Variants in MFSD12 observed in about 807,000 individuals in gnomAD.
MFSD12 encodes the protein major facilitator superfamily domain containing 12.
Under a neutral mutation model 51.2 loss-of-function variants are expected in MFSD12, and 67 were observed. The ratio of observed to expected loss-of-function variants is 1.31; its 90% CI spans 1.08 to 1.60. The LOEUF (loss-of-function observed/expected upper bound fraction) is 1.60, where lower values mean the gene tolerates loss of function less well. Ranked by LOEUF, MFSD12 falls within the 40% of genes most tolerant of loss-of-function variation. The pLI is 0.00. For synonymous variants in MFSD12, 441 were observed against 316.7 expected (o/e 1.39, Z -4.17); for missense variants, 921 against 673.0 (o/e 1.37, Z -4.08).
At chr19:3,543,491 C>CT (rs756313696), downstream of MFSD12, 43 of 1,515,996 alleles carry the variant, frequency 2.8e-5, no homozygotes, top group South Asian at 1.4e-4. Flanking sequence ...CCCCCCCCCC[C>CT]GCCCTGGGCA....
downstream of MFSD12, among the ~76,000 whole-genome samples, chr19:3,540,310 C>T (rs115599586): frequency 0.054 from 8,203 of 150,640 alleles, 681 homozygotes; most frequent in African/African-American, 0.18. Flanking sequence ...AAGACTGGAA[C>T]GCAATGGTGC....
chr19:3,548,392 A>ACCCAGTGTGG, intron 2 of MFSD12, 125 bp from the exon 3 acceptor site: 3 of 1,306,872 alleles, frequency 2.3e-6, no homozygotes, highest in Non-Finnish European at 3.1e-6. Context: ...AACCACTGCC[A>ACCCAGTGTGG]CACTGGGTGG....
Position 3,557,280 on chromosome 19 carries a change from A to G in MFSD12, c.124T>C (p.Tyr42His). 6.3e-7 allele frequency: 1 copy of G among 1,597,886 alleles called. No individual in the cohort carries two copies. Among genetic ancestry groups the G allele is most frequent in the East Asian group, 2.3e-5 (1 of 43,654 alleles). ...ACCGAGTGCAGGTAGAGCAGCAGGT[A>G]GGTGAACCACATGGACGCGCACAGG... ...NDLCASMWFT[Y>H]LLLYLHSVRA... The change falls in exon 1 of 10, where the codon TAC (tyrosine) becomes CAC (histidine). Residue 42 changes from tyrosine (Y) to histidine (H), a missense_variant. Physicochemically the swap from Tyr to His is moderately conservative, Grantham distance 83. Coordinates refer to ENST00000355415, the MANE Select transcript of MFSD12 (RefSeq NM_174983.5).
At chr19:3,545,227 T>G (rs1192178836) in intron 8 of MFSD12, among the ~76,000 whole-genome samples, 4 of 152,252 alleles carry the variant, frequency 2.6e-5, no homozygotes, top group Middle Eastern at 6.8e-3. Context: ...AGGCTGCAAC[T>G]TCTCCCCCAG....
chr19:3,543,330 GC>G (rs1568249884), downstream of MFSD12: 23 of 1,549,268 alleles, frequency 1.5e-5, no homozygotes, highest in Non-Finnish European at 1.9e-5. Context: ...GACGCAGCCG[GC>G]CAGCTGTGGT....
downstream of MFSD12, chr19:3,543,294 G>A (rs1381120949): frequency 1.4e-5 from 22 of 1,548,662 alleles, no homozygotes; most frequent in Middle Eastern, 1.8e-4. Flanking sequence ...CAGGCCACAC[G>A]CTGGAAGTAC....
At chr19:3,538,648 ACGGTGGCGG>A in exon 5 of MFSD12, 2 of 468,686 alleles carry the variant, frequency 4.3e-6, no homozygotes, top group Non-Finnish European at 8.9e-6. Context: ...TCGTTCCAGC[ACGGTGGCGG>A]CGCCGTGCTG....
chr19:3,556,629 A>AT (rs948020759), intron 1 of MFSD12, among the ~76,000 whole-genome samples: 3 of 149,972 alleles, frequency 2.0e-5, no homozygotes, highest in African/African-American at 7.4e-5. Context: ...AAGACGGGGG[A>AT]TGCTGGATGG....
At chr19:3,538,955 C>T (rs908944651) in intron 4 of MFSD12, 10 of 638,124 alleles carry the variant, frequency 1.6e-5, no homozygotes, top group Middle Eastern at 4.1e-4. Flanking sequence ...CTCAGGGCCA[C>T]GGACCCCACC....
intron 1 of MFSD12, among the ~76,000 whole-genome samples, chr19:3,555,789 G>T (rs1439305973): frequency 6.6e-6 from 1 of 152,206 alleles, no homozygotes; most frequent in East Asian, 1.9e-4. Flanking sequence ...TCCTGGCCCT[G>T]CCTGCTGAAA....
intron 1 of MFSD12, among the ~76,000 whole-genome samples, chr19:3,555,316 C>G (rs1258149398): frequency 6.6e-6 from 1 of 152,174 alleles, no homozygotes; most frequent in Non-Finnish European, 1.5e-5. Context: ...CCATGTTGGC[C>G]AGGTTGGTCT....
rs55680069 is a variant in MFSD12, at chr19:3,544,988, C to G, written c.1290-49G>C. ...GTAGGCACCGCGGGTACCACCCCCC[C>G]GCCACCCAAGCTGAACCTGTGCCTC... On this transcript the variant is annotated intron_variant, in intron 8 of 9. Coordinates refer to ENST00000355415, the MANE Select transcript of MFSD12 (RefSeq NM_174983.5). The G allele has an allele frequency of 5.8e-4, 897 of 1,546,574 alleles. 2 individuals are homozygous for G. In the African/African-American group the frequency reaches 6.0e-3, roughly 10 times the overall value.
At chr19:3,547,704 C>G (rs1599829815) in intron 4 of MFSD12, 144 bp downstream of exon 4, 1 of 1,181,856 alleles carries the variant, frequency 8.5e-7, no homozygotes, top group East Asian at 2.6e-5. Context: ...AGGAGAGCAG[C>G]ACTTGATGAG....
chr19:3,554,989 C>G (rs1037507264), intron 1 of MFSD12, among the ~76,000 whole-genome samples: 2 of 152,186 alleles, frequency 1.3e-5, no homozygotes, highest in African/African-American at 4.8e-5. Flanking sequence ...CTCCCCGAGG[C>G]GGGGAAGAGG....
chr19:3,543,486 C>CCCCCCCG (rs2030622020), downstream of MFSD12: 1 of 1,518,216 alleles, frequency 6.6e-7, no homozygotes. Flanking sequence ...GAGTGCCCCC[C>CCCCCCCG]CCCCCGCCCT....
rs373486922 is a variant in MFSD12 at position 3,545,031 on chromosome 19, G to C, written c.1290-92C>G. 2.0e-6 allele frequency: 3 copies of C among 1,469,712 alleles called. No homozygotes were observed. The African/African-American group carries it at 4.2e-5, about 21-fold the overall frequency. The allele number at this position is 1,469,712 out of a possible 1,614,324, so 91.0% of individuals were successfully genotyped here. On this transcript the variant is annotated intron_variant, in intron 8 of 9. Transcript: ENST00000355415. ...TGTGCCTCCCCTCACCCCCGACAGC[G>C]GCTCCGTCCTGTCCAATCCAGGAGC...
intron 8 of MFSD12, among the ~76,000 whole-genome samples, chr19:3,545,169 C>T (rs2030883421): frequency 6.6e-6 from 1 of 152,180 alleles, no homozygotes; most frequent in South Asian, 2.1e-4. Context: ...TTCCCTGTCT[C>T]CTCATGGTCC....
At position 3,544,521 on chromosome 19, in the gene MFSD12, G is replaced by T. The variant is rs941890438; in HGVS notation, c.*189C>A. 2 of 1,405,406 alleles carry T rather than the reference G, an allele frequency of 1.4e-6. No individual in the cohort carries two copies. The highest frequency in any genetic ancestry group is 3.0e-5 in the Admixed American group (1 of 33,824). The allele number at this position is 1,405,406 out of a possible 1,614,324, so 87.1% of individuals were successfully genotyped here. On this transcript the variant is annotated 3_prime_UTR_variant, in exon 10 of 10. Transcript: ENST00000355415. ...AATGGGACACCCTCAAAACCCAGGG[G>T]GTCCTTGCAAGTCCCTGGCGGGCAT...
downstream of MFSD12, chr19:3,543,813 C>G: frequency 6.6e-7 from 1 of 1,508,328 alleles, no homozygotes; most frequent in Non-Finnish European, 8.9e-7. Flanking sequence ...CATGGTGACC[C>G]GAGTCCCACC....
Sources: gnomAD v4.1 joint callset for allele counts (sites outside exome capture counted in the v4.1 genomes callset) on GRCh38, gnomAD v4.1.1 for gene constraint, MANE v1.5 for transcripts, NCBI Gene and HGNC (gene_info 2026-07-23, HGNC 2026-07-21) for gene names.